INF2: variants seen among roughly 807,000 people sequenced by gnomAD.
The protein encoded by INF2 is inverted formin 2.
A neutral mutation model predicts 123.5 loss-of-function variants in INF2; 43 were observed. That is an observed-to-expected ratio of 0.35 (90% CI 0.27 to 0.45). The LOEUF (loss-of-function observed/expected upper bound fraction) is 0.45. INF2 is among the 20% of genes least tolerant of loss of function. The pLI, the probability that INF2 is intolerant of heterozygous loss-of-function variation, is 1.00. For synonymous variants in INF2, 851 were observed against 745.0 expected (o/e 1.14, Z -2.32); for missense variants, 1,453 against 1,682.7 (o/e 0.86, Z 2.39).
chr14:104,683,378 G>C (rs546674155), intron 1 of INF2, among the ~76,000 whole-genome samples: 104 of 152,154 alleles, frequency 6.8e-4, no homozygotes, highest in Non-Finnish European at 1.3e-3. Flanking sequence ...TCCCCTGGGT[G>C]CCTGGGTCCC....
rs746955943 is a variant in INF2 at position 104,711,615 on chromosome 14, G to A, written c.2419-14G>A. 3.8e-5 allele frequency: 61 copies of A among 1,611,664 alleles called. 1 individual carries two copies. Among genetic ancestry groups the A allele is most frequent in the South Asian group, 3.6e-4 (33 of 91,048 alleles). On this transcript the variant is annotated splice_polypyrimidine_tract_variant and intron_variant, in intron 15 of 22. Transcript: ENST00000392634. Reference sequence around the variant, plus strand: ...ATGACCACAGTGGATCTCACTGGACGTGTCCCATTGCAGGAAGCGGAAAAG... The same window carrying A: ...ATGACCACAGTGGATCTCACTGGACATGTCCCATTGCAGGAAGCGGAAAAG...
intron 1 of INF2, among the ~76,000 whole-genome samples, chr14:104,697,575 C>T (rs940679447): frequency 2.0e-5 from 3 of 152,254 alleles, no homozygotes; most frequent in African/African-American, 7.2e-5. Context: ...CTAGGCGGGG[C>T]GGTGGCCCGG....
chr14:104,688,158 C>T (rs997142736), upstream of INF2, among the ~76,000 whole-genome samples: 3 of 152,258 alleles, frequency 2.0e-5, no homozygotes, highest in Admixed American at 6.5e-5. Flanking sequence ...CTAGGAGCAG[C>T]GGCCGCCCAG....
In INF2 at chr14:104,689,633, C is replaced by G; in HGVS notation, c.-116C>G. On this transcript the variant is annotated 5_prime_UTR_variant, in exon 1 of 23. Transcript: ENST00000392634. Reference sequence around the variant, plus strand: ...CCCCGCGCCCGCCAGGAGCCACCGTCCGAGCCTTGCGGAGCGCGGCAGTGG... The same window carrying G: ...CCCCGCGCCCGCCAGGAGCCACCGTGCGAGCCTTGCGGAGCGCGGCAGTGG... 1.1e-6 allele frequency: 1 copy of G among 899,028 alleles called. No homozygotes were observed. Among genetic ancestry groups the G allele is most frequent in the African/African-American group, 1.8e-5 (1 of 55,370 alleles). 55.7% of individuals were successfully genotyped at this position (899,028 alleles called of 1,614,324 possible).
At position 104,708,553 on chromosome 14, in the gene INF2, T is replaced by C. The variant is rs2140672255; in HGVS notation, c.1853T>C (p.Met618Thr). ...GCAGCCAAGCCCAAGGAGCCCACCATGGTGGCCCCCCGGGCCAGGAAGGAG... is the reference window on the plus strand; with the variant it reads ...GCAGCCAAGCCCAAGGAGCCCACCACGGTGGCCCCCCGGGCCAGGAAGGAG... ...FPAAKPKEPT[M>T]VAPRARKEPK... The change falls in exon 9 of 23, where the codon ATG becomes ACG. Residue 618 changes from methionine to threonine, a missense_variant. By Grantham distance (81) the Met-to-Thr change is moderately conservative (BLOSUM62 -1). Around this residue, in one of 8 missense-constraint regions of INF2, gnomAD observed 192 missense variants for 274.4 expected, o/e 0.70. Coordinates refer to ENST00000392634, the MANE Select transcript of INF2 (RefSeq NM_022489.4). 5 of 1,612,434 alleles carry C rather than the reference T, an allele frequency of 3.1e-6. No individual in the cohort carries two copies. Among genetic ancestry groups the C allele is most frequent in the Non-Finnish European group, 4.2e-6 (5 of 1,179,798 alleles).
At chr14:104,712,242 G>A (rs559876521) in intron 16 of INF2, among the ~76,000 whole-genome samples, 191 bp from the exon 17 acceptor site, 5 of 152,264 alleles carry the variant, frequency 3.3e-5, no homozygotes, top group African/African-American at 7.2e-5. Flanking sequence ...TAGGGTCCCC[G>A]CCCAGATGCT....
chr14:104,721,740 G>T lies in INF2; in HGVS notation c.*2947G>T, dbSNP rs1380782928. 1 of 152,294 alleles carries T rather than the reference G, an allele frequency of 6.6e-6. No homozygotes were observed. The highest frequency in any genetic ancestry group is 1.5e-5 in the Non-Finnish European group (1 of 68,120). The allele number at this position is 152,294 out of a possible 1,614,324, so 9.4% of individuals were successfully genotyped here. On this transcript the variant is annotated 3_prime_UTR_variant, in exon 23 of 23. Coordinates refer to ENST00000392634, the MANE Select transcript of INF2 (RefSeq NM_022489.4). ...TCGCCCCTCCTGCCTGGAGAGGTGG[G>T]ACTGGGGACCCTGTGACAGGAGGAG...
intron 1 of INF2, among the ~76,000 whole-genome samples, chr14:104,697,518 T>C (rs990144592): frequency 1.1e-4 from 17 of 152,254 alleles, no homozygotes; most frequent in Non-Finnish European, 2.2e-4. Flanking sequence ...AAGGCCAGCA[T>C]GGCCCTGTCC....
At chr14:104,694,078 C>T (rs1304064958) in intron 1 of INF2, among the ~76,000 whole-genome samples, 1 of 152,256 alleles carries the variant, frequency 6.6e-6, no homozygotes, top group African/African-American at 2.4e-5. Flanking sequence ...CCGGCTGCCC[C>T]TTCCCTGGGC....
At chr14:104,711,876 G>A (rs1389073246) in intron 16 of INF2, among the ~76,000 whole-genome samples, 177 bp downstream of exon 16, 1 of 152,212 alleles carries the variant, frequency 6.6e-6, no homozygotes, top group East Asian at 1.9e-4. Context: ...GTCTGCCGTG[G>A]CCTATCCCCT....
At chr14:104,698,981 C>T (rs1283098471) in intron 1 of INF2, among the ~76,000 whole-genome samples, 1 of 152,156 alleles carries the variant, frequency 6.6e-6, no homozygotes, top group Non-Finnish European at 1.5e-5. Context: ...CCAGTTTCCT[C>T]CCACCGTGGC....
At position 104,707,457 on chromosome 14, in the gene INF2, T is replaced by C; in HGVS notation, c.1190T>C (p.Val397Ala). 6.4e-7 allele frequency: 1 copy of C among 1,559,878 alleles called. No individual in the cohort carries two copies. Among genetic ancestry groups the C allele is most frequent in the Non-Finnish European group, 8.7e-7 (1 of 1,152,646 alleles). ...QPAAAAACEP[V>A]DHAQSESILK... ...GCAGCAGCTGCTGCCTGCGAGCCCG[T>C]GGACCACGCCCAGAGTGAGAGCATC... Residue 397 changes from valine (V) to alanine (A), a missense_variant, in exon 8 of 23, where the codon GTG becomes GCG. Physicochemically the swap from Val to Ala is moderately conservative, Grantham distance 64. Around this residue, in one of 8 missense-constraint regions of INF2, gnomAD observed 374 missense variants for 303.7 expected, o/e 1.23. Coordinates refer to ENST00000392634, the MANE Select transcript of INF2 (RefSeq NM_022489.4).
chr14:104,717,783 ACCACG>A (rs1435625642), intron 22 of INF2: 1 of 152,178 alleles, frequency 6.6e-6, no homozygotes, highest in Non-Finnish European at 1.5e-5. Flanking sequence ...CTGCACGAAC[ACCACG>A]CTGTCTGGTT....
chr14:104,713,700 T>C, intron 20 of INF2, 94 bp downstream of exon 20: 1 of 1,415,656 alleles, frequency 7.1e-7, no homozygotes, highest in Non-Finnish European at 9.6e-7. Context: ...TGGAAAGCCC[T>C]CTCCTCTCCC....
In INF2 at chr14:104,709,371, C is replaced by A. The variant is rs373736329; in HGVS notation, c.2040C>A (p.Pro680=). 1 of 1,612,482 alleles carries A rather than the reference C, an allele frequency of 6.2e-7. No homozygotes were observed. Among genetic ancestry groups the A allele is most frequent in the Non-Finnish European group, 8.5e-7 (1 of 1,179,402 alleles). ...TCAAACAACTCCTTAAGCTCCTTCC[C>A]GAGAAGCACGAGGTAAGAGGACCAC... ...EVLKQLLKLL[P]EKHEIENLRA... Residue 680 remains proline (P), a synonymous_variant, in exon 11 of 23, where the codon CCC becomes CCA. Coordinates refer to ENST00000392634, the MANE Select transcript of INF2 (RefSeq NM_022489.4).
At position 104,710,195 on chromosome 14, in the gene INF2, G is replaced by A; in HGVS notation, c.2239+7G>A. 6.5e-7 allele frequency: 1 copy of A among 1,537,762 alleles called. No individual in the cohort carries two copies. Among genetic ancestry groups the A allele is most frequent in the South Asian group, 1.2e-5 (1 of 83,826 alleles). ...GTGCTGGCTGCCTGCGAAAGTGAGT[G>A]GGGCCAAGCGGGGCACGTGTGCAGG... On this transcript the variant is annotated splice_region_variant and intron_variant, in intron 13 of 22. Coordinates refer to ENST00000392634, the MANE Select transcript of INF2 (RefSeq NM_022489.4).
chr14:104,713,234 G>T lies in INF2; in HGVS notation c.2803G>T (p.Ala935Ser), dbSNP rs1245251438. Residue 935 changes from alanine to serine, a missense_variant, in exon 19 of 23, where the codon GCG becomes TCG. Physicochemically the swap from Ala to Ser is moderately conservative, Grantham distance 99 (BLOSUM62 1). This residue lies in a region of INF2 where 212 missense variants were observed against 266.2 expected (regional missense o/e 0.80). Coordinates refer to ENST00000392634, the MANE Select transcript of INF2 (RefSeq NM_022489.4). The stretch of plus-strand genomic sequence containing the variant: ...GAACAAGGACCGGAAGGAGCAGGCG[G>T]CGAAGGCAGAGAGGAGGAAGCAGCA... ...KENKDRKEQA[A>S]KAERRKQQLA... The T allele has an allele frequency of 6.4e-7, 1 of 1,553,540 alleles. No individual in the cohort carries two copies. The highest frequency in any genetic ancestry group is 2.0e-5 in the Admixed American group (1 of 51,254).
rs975899699 is a variant in INF2, at chr14:104,721,531, T to C, written c.*2738T>C. On this transcript the variant is annotated 3_prime_UTR_variant, in exon 23 of 23. Coordinates refer to ENST00000392634, the MANE Select transcript of INF2 (RefSeq NM_022489.4). Reference sequence around the variant, plus strand: ...CACGCTAAGTTTATGTTTAACTTTTTAAGTAACTGCCTAACTGTTTTCCAA... The same window carrying C: ...CACGCTAAGTTTATGTTTAACTTTTCAAGTAACTGCCTAACTGTTTTCCAA... The C allele has an allele frequency of 4.5e-5, 7 of 154,304 alleles. No individual in the cohort carries two copies. The South Asian group carries it at 5.6e-4, about 12-fold the overall frequency. 9.6% of individuals were successfully genotyped at this position (154,304 alleles called of 1,614,324 possible).
chr14:104,711,308 G>A, intron 15 of INF2, 122 bp downstream of exon 15: 2 of 866,718 alleles, frequency 2.3e-6, no homozygotes, highest in Non-Finnish European at 3.7e-6. Flanking sequence ...CTGTCTCAGG[G>A]CTCCGTCTAG....
Sources: allele counts gnomAD v4.1 joint callset (sites outside exome capture counted in the v4.1 genomes callset), GRCh38; gene constraint gnomAD v4.1.1; regional missense constraint gnomAD v4.1.1; transcripts MANE v1.5; gene names NCBI Gene and HGNC (gene_info 2026-07-23, HGNC 2026-07-21).